The following SIPA1L3 variants were observed in gnomAD, a reference collection of about 807,000 sequenced individuals.
SIPA1L3 encodes signal-induced proliferation-associated 1-like protein 3.
Under a neutral mutation model 150.1 loss-of-function variants are expected in SIPA1L3, and 59 were observed. The observed-to-expected ratio is 0.39, with a 90% CI of 0.32 to 0.49. The LOEUF is 0.49. SIPA1L3 is among the 20% of genes least tolerant of loss of function. The probability of loss-of-function intolerance (pLI) is 0.86; values close to 1 mark genes in which losing one functional copy is unlikely to be tolerated. For synonymous variants in SIPA1L3, 1,070 were observed against 1,077.6 expected, an observed-to-expected ratio of 0.99 and a Z score of 0.14; for missense variants, 2,211 against 2,489.5, an observed-to-expected ratio of 0.89 and a Z score of 2.38.
intron 2 of SIPA1L3, among the ~76,000 whole-genome samples, chr19:38,037,416 C>G (rs1380663633): frequency 6.6e-6 from 1 of 152,188 alleles, no homozygotes; most frequent in Non-Finnish European, 1.5e-5. Context: ...GAGCTTGACT[C>G]TGCGAAGGAA....
rs1568544017 is a variant in SIPA1L3, at chr19:38,088,863, C to G, written c.1665+12C>G. 6.2e-7 allele frequency: 1 copy of G among 1,611,830 alleles called. No homozygotes were observed. Among genetic ancestry groups the G allele is most frequent in the African/African-American group, 1.3e-5 (1 of 74,988 alleles). On this transcript the variant is annotated intron_variant, in intron 4 of 21. Coordinates refer to ENST00000222345, the MANE Select transcript of SIPA1L3 (RefSeq NM_015073.3). Reference sequence around the variant, plus strand: ...TCCGGACCCGCGAGGTAGGTCCCATCACTCTCGTTCTTATTAAAGAAATCA... The same window carrying G: ...TCCGGACCCGCGAGGTAGGTCCCATGACTCTCGTTCTTATTAAAGAAATCA...
chr19:38,027,686 CT>C (rs5827997), intron 1 of SIPA1L3, among the ~76,000 whole-genome samples: 18,560 of 143,700 alleles, frequency 0.13, 1,127 homozygotes, highest in South Asian at 0.22. Flanking sequence ...ATATAGTACA[CT>C]TTTTTTTTTT....
intron 17 of SIPA1L3, 28 bp from the exon 18 acceptor site, chr19:38,193,509 C>A (rs1377690640): frequency 1.4e-6 from 2 of 1,436,698 alleles, no homozygotes; most frequent in Non-Finnish European, 1.8e-6. Flanking sequence ...TCTGTGACCT[C>A]CCCCAACATC....
intron 10 of SIPA1L3, among the ~76,000 whole-genome samples, chr19:38,135,453 T>C (rs1452497733): frequency 6.6e-6 from 1 of 152,206 alleles, no homozygotes; most frequent in Non-Finnish European, 1.5e-5. Flanking sequence ...CACAGGCAAG[T>C]GCCCTGGTGG....
At chr19:38,083,429 C>T (rs1970053604) in intron 3 of SIPA1L3, among the ~76,000 whole-genome samples, 1 of 152,254 alleles carries the variant, frequency 6.6e-6, no homozygotes, top group Non-Finnish European at 1.5e-5. Flanking sequence ...AACAAATGTT[C>T]TGTCTTCCTA....
chr19:38,166,282 C>T lies in SIPA1L3; in HGVS notation c.4208+1376C>T, dbSNP rs573684590. Among the ~76,000 whole-genome samples the T allele has an allele frequency of 2.5e-4, 38 of 151,704 alleles. No individual in the cohort carries two copies. The East Asian group carries it at 6.3e-3, about 25-fold the overall frequency. ...TGTCCTGGCCAACATGGTGAAACCC[C>T]GTCTCTACTTAAATACAAAAAAAAA... On this transcript the variant is annotated intron_variant, in intron 15 of 21. Coordinates refer to ENST00000222345, the MANE Select transcript of SIPA1L3 (RefSeq NM_015073.3).
chr19:37,947,052 G>A (rs2046718045), intron 1 of SIPA1L3, among the ~76,000 whole-genome samples: 1 of 152,156 alleles, frequency 6.6e-6, no homozygotes, highest in Admixed American at 6.6e-5. Flanking sequence ...AATCTAGCTG[G>A]GTGTGGTGGC....
chr19:38,103,791 AC>A (rs1970560164), intron 6 of SIPA1L3, among the ~76,000 whole-genome samples: 1 of 149,362 alleles, frequency 6.7e-6, no homozygotes, highest in Non-Finnish European at 1.5e-5. Context: ...AGTCCCAGCT[AC>A]TCTGGAGGCT....
At chr19:38,068,183 C>T (rs534311422) in intron 2 of SIPA1L3, among the ~76,000 whole-genome samples, 35 of 152,138 alleles carry the variant, frequency 2.3e-4, no homozygotes, top group African/African-American at 6.0e-4. Context: ...CCACCATGCC[C>T]GGCTGATTTT....
Position 37,956,101 on chromosome 19 carries a change from C to T in SIPA1L3, c.-379+48743C>T, listed in dbSNP as rs532663932. ...AACTCCTGGGCTCAAGCTGTTTTCC[C>T]GCTTCAGCCTCCTGAATAGTTGGGA... On this transcript the variant is annotated intron_variant, in intron 1 of 21. Transcript: ENST00000222345. Among the ~76,000 whole-genome samples, 34 of 152,278 alleles carry T rather than the reference C, an allele frequency of 2.2e-4. 1 individual carries two copies. Among genetic ancestry groups the T allele is most frequent in the Admixed American group, 2.0e-3 (31 of 15,298 alleles).
intron 15 of SIPA1L3, among the ~76,000 whole-genome samples, chr19:38,166,946 A>G (rs898623187): frequency 1.7e-4 from 26 of 152,212 alleles, no homozygotes; most frequent in Non-Finnish European, 3.5e-4. Context: ...TAAAAAAAAA[A>G]AAAGGTGGCT....
intron 1 of SIPA1L3, among the ~76,000 whole-genome samples, chr19:37,961,260 T>C (rs1278017844): frequency 6.6e-6 from 1 of 152,126 alleles, no homozygotes; most frequent in East Asian, 1.9e-4. Flanking sequence ...CCTCAAGTTA[T>C]CTTCGTACCT....
intron 13 of SIPA1L3, among the ~76,000 whole-genome samples, chr19:38,153,927 C>CT (rs1568579609): frequency 6.6e-6 from 1 of 151,994 alleles, no homozygotes; most frequent in African/African-American, 2.4e-5. Flanking sequence ...GAGCAAGACT[C>CT]TGTCTCAGAA....
chr19:38,034,146 G>A (rs934963393), intron 2 of SIPA1L3, among the ~76,000 whole-genome samples: 1 of 152,114 alleles, frequency 6.6e-6, no homozygotes, highest in Non-Finnish European at 1.5e-5. Context: ...CAAGGAAGGT[G>A]GCAAATGTTA....
At chr19:38,059,173 T>G (rs1431224313) in intron 2 of SIPA1L3, among the ~76,000 whole-genome samples, 2 of 151,800 alleles carry the variant, frequency 1.3e-5, no homozygotes, top group Non-Finnish European at 2.9e-5. Flanking sequence ...GCTCATTTTT[T>G]TTTTTTTTGG....
intron 2 of SIPA1L3, among the ~76,000 whole-genome samples, chr19:38,050,034 A>G (rs1296800875): frequency 6.6e-6 from 1 of 152,190 alleles, no homozygotes; most frequent in East Asian, 1.9e-4. Context: ...TGACCCTGCC[A>G]TGTAACCCAG....
intron 1 of SIPA1L3, among the ~76,000 whole-genome samples, chr19:37,954,620 TC>T (rs2145560090): frequency 6.6e-6 from 1 of 152,288 alleles, no homozygotes; most frequent in East Asian, 1.9e-4. Context: ...CTGTTAAGTT[TC>T]CGTAAACCCC....
rs185446783 is a variant in SIPA1L3, at chr19:38,091,829, G to A, written c.1665+2978G>A. Among the ~76,000 whole-genome samples the A allele has an allele frequency of 4.2e-3, 632 of 152,044 alleles. 4 individuals are homozygous for A. Among genetic ancestry groups the A allele is most frequent in the Non-Finnish European group, 7.2e-3 (489 of 67,980 alleles). ...TCCCAGCACTTTGGGAGGCTGAGGC[G>A]GGTGGATCACCCGAGGTCAGGAGTT... On this transcript the variant is annotated intron_variant, in intron 4 of 21. Transcript: ENST00000222345.
intron 1 of SIPA1L3, among the ~76,000 whole-genome samples, chr19:37,977,484 A>G (rs546471725): frequency 1.9e-4 from 29 of 152,072 alleles, no homozygotes; most frequent in Non-Finnish European, 3.2e-4. Flanking sequence ...TATTATTTTT[A>G]TTGGCAGCTT....
Sources: allele counts gnomAD v4.1 joint callset (sites outside exome capture counted in the v4.1 genomes callset), GRCh38; gene constraint gnomAD v4.1.1; transcripts MANE v1.5; gene names NCBI Gene and HGNC (gene_info 2026-07-23, HGNC 2026-07-21).